The following RNF111 variants were observed in gnomAD, a reference collection of about 807,000 sequenced individuals.
RNF111 encodes the protein E3 ubiquitin-protein ligase Arkadia.
RNF111 carries 17 observed loss-of-function variants against 95.1 expected under a neutral mutation model. The observed-to-expected ratio is 0.18, with a 90% confidence interval of 0.12 to 0.27. RNF111 has a LOEUF of 0.27. Among genes scored for constraint, RNF111 ranks in the 10% least tolerant of loss-of-function variants. The probability of loss-of-function intolerance (pLI) is 1.00; values close to 1 mark genes in which losing one functional copy is unlikely to be tolerated. For synonymous variants in RNF111, 440 were observed against 414.8 expected, an observed-to-expected ratio of 1.06 and a Z score of -0.74; for missense variants, 1,189 against 1,210.4, an observed-to-expected ratio of 0.98 and a Z score of 0.26.
intron 2 of RNF111, among the ~76,000 whole-genome samples, chr15:59,042,797 A>G (rs1208511303): frequency 3.9e-5 from 6 of 152,208 alleles, no homozygotes; most frequent in Admixed American, 6.5e-5. Context: ...GTCCATGTAC[A>G]GGAAGAACAC....
intron 5 of RNF111, among the ~76,000 whole-genome samples, chr15:59,060,130 C>G (rs1322153028): frequency 6.6e-6 from 1 of 152,140 alleles, no homozygotes; most frequent in African/African-American, 2.4e-5. Flanking sequence ...ACCTCAGTCT[C>G]TCAAGTAGCT....
rs557119298 is a variant in RNF111, at chr15:59,015,124, C to T, written c.-19-15680C>T. The stretch of plus-strand genomic sequence containing the variant: ...ATTTAGCCTTAGTTTTAGATCAGTA[C>T]TTACTAGGACCAAAGTCGAATTTTT... On this transcript the variant is annotated intron_variant, in intron 1 of 13. Transcript: ENST00000348370. Among the ~76,000 whole-genome samples, 22 of 152,192 alleles carry T rather than the reference C, an allele frequency of 1.4e-4. No individual in the cohort carries two copies. The South Asian group carries it at 1.7e-3, about 11-fold the overall frequency.
intron 1 of RNF111, among the ~76,000 whole-genome samples, chr15:59,019,790 C>G (rs1480412460): frequency 6.6e-6 from 1 of 151,974 alleles, no homozygotes; most frequent in African/African-American, 2.4e-5. Context: ...AAAACCCTGT[C>G]TTTACTGAAA....
At chr15:59,009,269 C>A (rs1473357477) in intron 1 of RNF111, among the ~76,000 whole-genome samples, 1 of 151,948 alleles carries the variant, frequency 6.6e-6, no homozygotes, top group Non-Finnish European at 1.5e-5. Flanking sequence ...ACGTATTTTA[C>A]TTTTACATGT....
chr15:59,066,618 A>C, intron 5 of RNF111, 146 bp from the exon 6 acceptor site: 1 of 719,212 alleles, frequency 1.4e-6, no homozygotes, highest in East Asian at 2.7e-5. Context: ...TCAAAAAAAA[A>C]AGAACGTGGC....
Position 59,079,785 on chromosome 15 carries a change from A to G in RNF111, c.1949-1151A>G, listed in dbSNP as rs183928520. Among the ~76,000 whole-genome samples the G allele has an allele frequency of 7.4e-4, 113 of 152,308 alleles. 1 individual carries two copies. The highest frequency in any genetic ancestry group is 2.6e-3 in the African/African-American group (107 of 41,570). The stretch of plus-strand genomic sequence containing the variant: ...GTAGAATGAAGAAATGGTAGGAGCC[A>G]TCTTATTAAGGACTTTACGTCCATA... On this transcript the variant is annotated intron_variant, in intron 7 of 13. Coordinates refer to ENST00000348370, the MANE Select transcript of RNF111 (RefSeq NM_017610.8).
At chr15:59,052,095 C>T (rs2042012821) in intron 2 of RNF111, among the ~76,000 whole-genome samples, 1 of 152,076 alleles carries the variant, frequency 6.6e-6, no homozygotes, top group African/African-American at 2.4e-5. Context: ...AGGAAGTAAA[C>T]ATGCAAAGAA....
At chr15:59,048,722 AAG>A (rs1215395617) in intron 2 of RNF111, among the ~76,000 whole-genome samples, 1 of 152,198 alleles carries the variant, frequency 6.6e-6, no homozygotes. Context: ...ACAGCAAGAA[AAG>A]AAATGGAGGG....
chr15:59,005,328 T>C (rs1271505614), intron 1 of RNF111, among the ~76,000 whole-genome samples: 13 of 151,712 alleles, frequency 8.6e-5, no homozygotes, highest in South Asian at 6.3e-4. Context: ...CTCTAGAACA[T>C]AGGCTTTCAT....
chr15:58,991,880 T>A (rs1205204198), intron 1 of RNF111, among the ~76,000 whole-genome samples: 1 of 152,118 alleles, frequency 6.6e-6, no homozygotes, highest in South Asian at 2.1e-4. Context: ...TTTTGAAACA[T>A]TGGGGGAAAT....
chr15:59,021,635 T>G (rs1333806592), intron 1 of RNF111, among the ~76,000 whole-genome samples: 1 of 152,184 alleles, frequency 6.6e-6, no homozygotes, highest in Non-Finnish European at 1.5e-5. Context: ...AGTACTATTA[T>G]TATTCCAATT....
chr15:59,080,855 AG>A, intron 7 of RNF111, 80 bp from the exon 8 acceptor site: 1 of 1,106,580 alleles, frequency 9.0e-7, no homozygotes, highest in Non-Finnish European at 1.3e-6. Flanking sequence ...TATGTTTAAA[AG>A]TACACTAGGA....
chr15:59,013,214 T>C (rs1431544810), intron 1 of RNF111, among the ~76,000 whole-genome samples: 1 of 152,200 alleles, frequency 6.6e-6, no homozygotes, highest in Non-Finnish European at 1.5e-5. Flanking sequence ...GCAGTAGTTT[T>C]ACATTTACAT....
intron 13 of RNF111, among the ~76,000 whole-genome samples, chr15:59,093,095 C>G (rs1381617050): frequency 6.6e-6 from 1 of 152,208 alleles, no homozygotes. Flanking sequence ...CTGGCTTCAT[C>G]TGGCGAGTGA....
At chr15:59,003,052 G>A (rs1309902254) in intron 1 of RNF111, among the ~76,000 whole-genome samples, 2 of 152,166 alleles carry the variant, frequency 1.3e-5, no homozygotes, top group African/African-American at 4.8e-5. Context: ...CTATTCACAG[G>A]TGCTATTAAA....
intron 1 of RNF111, among the ~76,000 whole-genome samples, chr15:59,026,659 C>T (rs1596123984): frequency 6.6e-6 from 1 of 151,986 alleles, no homozygotes; most frequent in African/African-American, 2.4e-5. Flanking sequence ...GTGTTTATTT[C>T]CTTTTGAACT....
intron 10 of RNF111, among the ~76,000 whole-genome samples, chr15:59,088,358 C>G (rs1410326212): frequency 6.6e-6 from 1 of 152,108 alleles, no homozygotes. Flanking sequence ...GAGTTCCTTT[C>G]CGATTTCTTT....
chr15:59,032,466 G>A (rs1056785578), intron 2 of RNF111, among the ~76,000 whole-genome samples: 17 of 152,062 alleles, frequency 1.1e-4, no homozygotes, highest in South Asian at 2.1e-4. Context: ...TTGTTGCTCA[G>A]GCTGGAGTAT....
chr15:59,084,313 A>G (rs2078834209), intron 9 of RNF111, 59 bp downstream of exon 9: 1 of 1,423,512 alleles, frequency 7.0e-7, no homozygotes, highest in African/African-American at 1.4e-5. Flanking sequence ...AACTATTGGA[A>G]GAGATGCCTT....
Sources: allele counts gnomAD v4.1 joint callset (sites outside exome capture counted in the v4.1 genomes callset), GRCh38; gene constraint gnomAD v4.1.1; transcripts MANE v1.5; gene names NCBI Gene and HGNC (gene_info 2026-07-23, HGNC 2026-07-21).